Variants in LPP observed in about 807,000 individuals in gnomAD.
The protein encoded by LPP is LIM domain containing preferred translocation partner in lipoma, also known as lipoma-preferred partner.
A neutral mutation model predicts 60.4 loss-of-function variants in LPP; 38 were observed. That is an observed-to-expected ratio of 0.63 (90% CI 0.49 to 0.83). LPP has a LOEUF of 0.83. LPP is among the 40% of genes least tolerant of loss of function. The probability of loss-of-function intolerance (pLI) is 0.00; values close to 1 mark genes in which losing one functional copy is unlikely to be tolerated. For missense variants in LPP, 902 were observed against 783.6 expected, an observed-to-expected ratio of 1.15 and a Z score of -1.80; for synonymous variants, 328 against 290.8, an observed-to-expected ratio of 1.13 and a Z score of -1.30.
chr3:188,241,979 T>A (rs1725054866), intron 2 of LPP, among the ~76,000 whole-genome samples: 1 of 152,198 alleles, frequency 6.6e-6, no homozygotes, highest in Non-Finnish European at 1.5e-5. Context: ...TTCATGATTC[T>A]GACGCTGTAT....
chr3:188,457,095 A>T (rs1380687891), intron 4 of LPP, among the ~76,000 whole-genome samples: 1 of 152,214 alleles, frequency 6.6e-6, no homozygotes, highest in African/African-American at 2.4e-5. Context: ...TAGAATATAC[A>T]TGGGTGATAG....
intron 4 of LPP, among the ~76,000 whole-genome samples, chr3:188,433,712 GA>G (rs781520354): frequency 2.8e-4 from 42 of 149,720 alleles, no homozygotes; most frequent in South Asian, 4.3e-4. Flanking sequence ...TGATGGAGAA[GA>G]GAGGCCAGAG....
At chr3:188,373,993 G>C (rs1451955779) in intron 3 of LPP, among the ~76,000 whole-genome samples, 1 of 152,116 alleles carries the variant, frequency 6.6e-6, no homozygotes, top group Non-Finnish European at 1.5e-5. Flanking sequence ...GTTTTTGTCA[G>C]GTTTGTCAAA....
chr3:188,740,064 C>G (rs913344319), intron 8 of LPP, among the ~76,000 whole-genome samples: 5 of 151,946 alleles, frequency 3.3e-5, no homozygotes, highest in African/African-American at 9.7e-5. Flanking sequence ...TAGTGTTATC[C>G]ATGTGTATGG....
intron 6 of LPP, among the ~76,000 whole-genome samples, chr3:188,542,001 T>C (rs1825319114): frequency 1.3e-5 from 2 of 152,224 alleles, no homozygotes; most frequent in Non-Finnish European, 2.9e-5. Context: ...TAAATCAAAC[T>C]AATAAAAATT....
intron 4 of LPP, among the ~76,000 whole-genome samples, chr3:188,483,703 AAG>A (rs754191636): frequency 6.6e-6 from 1 of 152,132 alleles, no homozygotes; most frequent in Non-Finnish European, 1.5e-5. Flanking sequence ...TCTTGTTGGT[AAG>A]AGATGCTAGG....
At chr3:188,162,720 A>G (rs1360093383) in intron 1 of LPP, among the ~76,000 whole-genome samples, 1 of 152,158 alleles carries the variant, frequency 6.6e-6, no homozygotes, top group South Asian at 2.1e-4. Flanking sequence ...TGTGAGAATC[A>G]GGGGCATTTC....
At chr3:188,777,760 C>T (rs1409387525) in intron 9 of LPP, among the ~76,000 whole-genome samples, 1 of 152,104 alleles carries the variant, frequency 6.6e-6, no homozygotes, top group Non-Finnish European at 1.5e-5. Context: ...CTCTGACATC[C>T]AGAACACTGG....
At chr3:188,423,803 TG>T (rs756809693) in intron 4 of LPP, among the ~76,000 whole-genome samples, 45 of 151,800 alleles carry the variant, frequency 3.0e-4, no homozygotes, top group East Asian at 2.3e-3. Context: ...TGGCATTGTT[TG>T]TTTTTTTCTT....
chr3:188,441,423 A>T (rs1209306266), intron 4 of LPP, among the ~76,000 whole-genome samples: 1 of 151,968 alleles, frequency 6.6e-6, no homozygotes, highest in Non-Finnish European at 1.5e-5. Flanking sequence ...ATAAAACTGC[A>T]GTGGATGTGC....
intron 3 of LPP, among the ~76,000 whole-genome samples, chr3:188,404,823 G>A (rs1356774178): frequency 2.6e-5 from 4 of 152,148 alleles, no homozygotes; most frequent in South Asian, 2.1e-4. Flanking sequence ...GGCTGGGGGC[G>A]CTTACAGGGT....
intron 3 of LPP, among the ~76,000 whole-genome samples, chr3:188,378,725 C>T (rs1229437232): frequency 6.6e-6 from 1 of 152,182 alleles, no homozygotes. Context: ...CTCTGCTGCA[C>T]CTACTCTCTG....
At chr3:188,800,681 C>A (rs1338939293) in intron 9 of LPP, among the ~76,000 whole-genome samples, 1 of 152,124 alleles carries the variant, frequency 6.6e-6, no homozygotes, top group African/African-American at 2.4e-5. Flanking sequence ...TGTAAGAATG[C>A]CTGATTCCCC....
chr3:188,379,709 T>G (rs1371332757), intron 3 of LPP, among the ~76,000 whole-genome samples: 2 of 152,336 alleles, frequency 1.3e-5, no homozygotes, highest in Admixed American at 1.3e-4. Context: ...TGTAGTCTTT[T>G]GTTACTTTGT....
chr3:188,832,192 A>G (rs1369445951), intron 9 of LPP, among the ~76,000 whole-genome samples: 1 of 152,168 alleles, frequency 6.6e-6, no homozygotes, highest in African/African-American at 2.4e-5. Context: ...CCATGATTAC[A>G]TGTTGTGATA....
intron 6 of LPP, among the ~76,000 whole-genome samples, chr3:188,540,657 A>T (rs563659369): frequency 6.6e-6 from 1 of 152,212 alleles, no homozygotes; most frequent in Non-Finnish European, 1.5e-5. Context: ...CAGGATTGTA[A>T]TGAGGACTAA....
intron 9 of LPP, among the ~76,000 whole-genome samples, chr3:188,834,182 C>A (rs999752095): frequency 5.9e-5 from 9 of 152,160 alleles, no homozygotes; most frequent in African/African-American, 1.9e-4. Flanking sequence ...ACTCTATTCT[C>A]CTGCCAGCAT....
chr3:188,699,664 T>C (rs1863984248), intron 7 of LPP, among the ~76,000 whole-genome samples: 1 of 152,208 alleles, frequency 6.6e-6, no homozygotes, highest in Admixed American at 6.5e-5. Flanking sequence ...ACCAAGAGCA[T>C]GCTTTTCTAA....
At chr3:188,482,513 C>G (rs771071861) in intron 4 of LPP, among the ~76,000 whole-genome samples, 17 of 152,224 alleles carry the variant, frequency 1.1e-4, no homozygotes, top group Non-Finnish European at 1.6e-4. Context: ...TTTCTCAATC[C>G]TGGCTGCAGG....
Sources: gnomAD v4.1 joint callset for allele counts (sites outside exome capture counted in the v4.1 genomes callset) on GRCh38, gnomAD v4.1.1 for gene constraint, MANE v1.5 for transcripts, NCBI Gene and HGNC (gene_info 2026-07-23, HGNC 2026-07-21) for gene names.